The following ELMO2 variants were observed in gnomAD, a reference collection of about 807,000 sequenced individuals.
The protein encoded by ELMO2 is engulfment and cell motility 2, also known as engulfment and cell motility protein 2.
ELMO2 carries 37 observed loss-of-function variants against 96.2 expected under a neutral mutation model. That is an observed-to-expected ratio of 0.38 (90% CI 0.30 to 0.51). The LOEUF (loss-of-function observed/expected upper bound fraction) is 0.51, where lower values mean the gene tolerates loss of function less well. Ranked by LOEUF, ELMO2 falls within the 20% of genes least tolerant of loss-of-function variation. The probability of loss-of-function intolerance (pLI) is 0.88; values close to 1 mark genes in which losing one functional copy is unlikely to be tolerated. For synonymous variants in ELMO2, 315 were observed against 329.4 expected, an observed-to-expected ratio of 0.96 and a Z score of 0.47; for missense variants, 561 against 912.6, an observed-to-expected ratio of 0.61 and a Z score of 4.96.
At chr20:46,398,258 T>G (rs972932825) in intron 2 of ELMO2, among the ~76,000 whole-genome samples, 9 of 152,200 alleles carry the variant, frequency 5.9e-5, no homozygotes, top group African/African-American at 2.2e-4. Context: ...TATGGTAACT[T>G]CATAGTAATC....
chr20:46,388,660 T>C (rs1600863514), intron 7 of ELMO2, among the ~76,000 whole-genome samples: 2 of 151,906 alleles, frequency 1.3e-5, no homozygotes, highest in Middle Eastern at 6.8e-3. Context: ...CAGGGGATGA[T>C]TACAAACAGA....
intron 21 of ELMO2, among the ~76,000 whole-genome samples, chr20:46,368,563 GAAGAGT>G (rs1695506309): frequency 6.6e-6 from 1 of 152,146 alleles, no homozygotes; most frequent in African/African-American, 2.4e-5. Context: ...GGCTGCTGCT[GAAGAGT>G]AATGTGGAGA....
Position 46,386,234 on chromosome 20 carries a change from G to C in ELMO2, c.567C>G (p.Ile189Met), listed in dbSNP as rs925209638. ...CCAGGATGGCCAGGGACCTCTGAAG[G>C]ATTGACACGTCCACCATGGGCTGGC... ...YVSQPMVDVSILQRSLAILES... is the reference protein window; with the variant it reads ...YVSQPMVDVSMLQRSLAILES... The change falls in exon 9 of 22, where the codon ATC (isoleucine) becomes ATG (methionine). Residue 189 changes from isoleucine to methionine, a missense_variant. Coordinates refer to ENST00000290246, the MANE Select transcript of ELMO2 (RefSeq NM_133171.5). 1 of 1,613,982 alleles carries C rather than the reference G, an allele frequency of 6.2e-7. No individual in the cohort carries two copies. The highest frequency in any genetic ancestry group is 8.5e-7 in the Non-Finnish European group (1 of 1,180,012).
chr20:46,406,133 C>T (rs560720876), intron 1 of ELMO2, among the ~76,000 whole-genome samples: 2 of 152,270 alleles, frequency 1.3e-5, no homozygotes, highest in African/African-American at 2.4e-5. Flanking sequence ...TGAGCATGAC[C>T]CCGGGCTTTC....
chr20:46,380,013 G>T (rs929131646), intron 11 of ELMO2: 5 of 376,164 alleles, frequency 1.3e-5, no homozygotes, highest in Non-Finnish European at 2.4e-5. Context: ...ACAAACAGTA[G>T]AGCTGGCCTT....
intron 11 of ELMO2, among the ~76,000 whole-genome samples, chr20:46,377,879 C>T (rs549135863): frequency 2.0e-5 from 3 of 152,172 alleles, no homozygotes; most frequent in African/African-American, 4.8e-5. Context: ...CCACTCCCCC[C>T]AGTCTCTCTC....
intron 10 of ELMO2, among the ~76,000 whole-genome samples, chr20:46,381,790 T>C (rs2059961595): frequency 6.6e-6 from 1 of 152,222 alleles, no homozygotes; most frequent in Non-Finnish European, 1.5e-5. Context: ...TTTTGTCGAT[T>C]GTCTAAACCT....
intron 2 of ELMO2, among the ~76,000 whole-genome samples, chr20:46,394,972 C>T (rs1279331212): frequency 6.6e-6 from 1 of 152,196 alleles, no homozygotes; most frequent in Non-Finnish European, 1.5e-5. Flanking sequence ...AAGATCCCAG[C>T]ATCAGCAGGG....
rs1455266433 is a variant in ELMO2 at position 46,371,646 on chromosome 20, C to T, written c.1626G>A (p.Lys542=). 10 of 1,613,074 alleles carry T rather than the reference C, an allele frequency of 6.2e-6. No homozygotes were observed. Among genetic ancestry groups the T allele is most frequent in the Non-Finnish European group, 8.5e-6 (10 of 1,179,766 alleles). Residue 542 remains lysine, a synonymous_variant, in exon 18 of 22, where the codon AAG becomes AAA. Transcript: ENST00000290246. This position sits in a 1 kb window ranked among gnomAD's most constrained non-coding sequence, Gnocchi z 5.9. ...CACAGAGCCGGTTCAGGCGCTGCTG[C>T]TTGATCAGCTCAAGGATCTCGGGCT... The part of the protein sequence containing the change: ...KIQPEILELI[K]QQRLNRLCEG...
chr20:46,401,093 T>C (rs1029879029), intron 1 of ELMO2, among the ~76,000 whole-genome samples: 3 of 152,170 alleles, frequency 2.0e-5, no homozygotes, highest in Non-Finnish European at 4.4e-5. Flanking sequence ...CATGGGTAAG[T>C]TTGGTTTATG....
rs144969329 is a variant in ELMO2, at chr20:46,367,361, C to T, written c.2162G>A (p.Ter721=). 2.6e-6 allele frequency: 4 copies of T among 1,535,488 alleles called. No individual in the cohort carries two copies. The African/African-American group carries it at 4.2e-5, about 16-fold the overall frequency. Reference sequence around the variant, plus strand: ...GTACCGTCGTTTCTGGCTCCAGGCTCAGCCATAGTGATAGACAAAGTCATA... The same window carrying T: ...GTACCGTCGTTTCTGGCTCCAGGCTTAGCCATAGTGATAGACAAAGTCATA... ...SSYDFVYHYG[*] is the part of the protein sequence containing the mutation. The change falls in exon 22 of 22, where the codon TGA becomes TAA. Residue 721 remains the stop codon, a stop_retained_variant. Coordinates refer to ENST00000290246, the MANE Select transcript of ELMO2 (RefSeq NM_133171.5).
intron 15 of ELMO2, 57 bp from the exon 16 acceptor site, chr20:46,373,592 G>C: frequency 6.3e-7 from 1 of 1,588,858 alleles, no homozygotes; most frequent in Non-Finnish European, 8.6e-7. Flanking sequence ...GGGCCTGGGA[G>C]CTCATGTCTG....
chr20:46,399,314 G>A (rs544596568), intron 1 of ELMO2, among the ~76,000 whole-genome samples: 1 of 152,148 alleles, frequency 6.6e-6, no homozygotes, highest in Non-Finnish European at 1.5e-5. Context: ...ACACTCCCTC[G>A]TGTGCTATTT....
chr20:46,367,146 G>A lies in ELMO2; in HGVS notation c.*214C>T. ...CAATCCCAGGCTTCATGGTGATGGA[G>A]TGGGCAGAGCACCCTGCCTTCATGA... On this transcript the variant is annotated 3_prime_UTR_variant, in exon 22 of 22. Transcript: ENST00000290246. 1 of 435,836 alleles carries A rather than the reference G, an allele frequency of 2.3e-6. No individual in the cohort carries two copies. Among genetic ancestry groups the A allele is most frequent in the Non-Finnish European group, 4.0e-6 (1 of 249,736 alleles). 27.0% of individuals were successfully genotyped at this position (435,836 alleles called of 1,614,324 possible).
At chr20:46,368,645 G>T (rs1383111976) in intron 21 of ELMO2, among the ~76,000 whole-genome samples, 1 of 152,194 alleles carries the variant, frequency 6.6e-6, no homozygotes, top group African/African-American at 2.4e-5. Flanking sequence ...TGCGCCTGGA[G>T]GAACCTCAGG....
At chr20:46,383,601 A>G in intron 9 of ELMO2, 107 bp from the exon 10 acceptor site, 1 of 1,095,674 alleles carries the variant, frequency 9.1e-7, no homozygotes, top group South Asian at 1.3e-5. Context: ...GCAAATAATG[A>G]TCTGGAGCTC....
chr20:46,373,252 G>A (rs966064545), intron 16 of ELMO2, 147 bp downstream of exon 16: 27 of 1,064,600 alleles, frequency 2.5e-5, no homozygotes, highest in Non-Finnish European at 3.5e-5. Context: ...TGGGGCTGAG[G>A]CTCCCCAGTG....
chr20:46,397,225 G>A (rs1184145910), intron 2 of ELMO2, among the ~76,000 whole-genome samples: 1 of 152,098 alleles, frequency 6.6e-6, no homozygotes, highest in East Asian at 1.9e-4. Flanking sequence ...ATATTAATAA[G>A]CCCCCATTCT....
chr20:46,384,251 A>G (rs2145810111), intron 9 of ELMO2, among the ~76,000 whole-genome samples: 1 of 152,350 alleles, frequency 6.6e-6, no homozygotes, highest in South Asian at 2.1e-4. Context: ...TTATTTTATT[A>G]TGAACAAACA....
Sources: gnomAD v4.1 joint callset for allele counts (sites outside exome capture counted in the v4.1 genomes callset) on GRCh38, gnomAD v4.1.1 for gene constraint, Gnocchi (gnomAD v3.1) non-coding constraint, MANE v1.5 for transcripts, NCBI Gene and HGNC (gene_info 2026-07-23, HGNC 2026-07-21) for gene names.